The following ROBO2 variants were observed in gnomAD, a reference collection of about 807,000 sequenced individuals.
The protein encoded by ROBO2 is roundabout homolog 2.
ROBO2 carries 53 observed loss-of-function variants against 160.8 expected under a neutral mutation model. The ratio of observed to expected loss-of-function variants is 0.33; its 90% CI spans 0.26 to 0.41. ROBO2 has a LOEUF of 0.41. Among genes scored for constraint, ROBO2 ranks in the 10% least tolerant of loss-of-function variants. The pLI, the probability that ROBO2 is intolerant of heterozygous loss-of-function variation, is 1.00. For missense variants in ROBO2, 1,577 were observed against 1,722.4 expected, an observed-to-expected ratio of 0.92 and a Z score of 1.49; for synonymous variants, 664 against 611.7, an observed-to-expected ratio of 1.09 and a Z score of -1.26.
chr3:76,334,556 T>G (rs2073735056), intron 2 of ROBO2, among the ~76,000 whole-genome samples: 1 of 152,150 alleles, frequency 6.6e-6, no homozygotes, highest in African/African-American at 2.4e-5. Context: ...GCAGCTTGGC[T>G]TTTCTTTTTT....
chr3:77,447,476 C>G (rs1013481912), intron 2 of ROBO2, among the ~76,000 whole-genome samples: 4 of 152,028 alleles, frequency 2.6e-5, no homozygotes, highest in Non-Finnish European at 5.9e-5. Flanking sequence ...TATACTAAGG[C>G]TTAATGTAAT....
At chr3:76,114,945 T>C (rs1300653148) in intron 2 of ROBO2, among the ~76,000 whole-genome samples, 6 of 152,134 alleles carry the variant, frequency 3.9e-5, no homozygotes, top group Non-Finnish European at 8.8e-5. Context: ...TGAATGGGCA[T>C]TTCTTTCATG....
chr3:75,908,500 T>A (rs996183779), intron 1 of ROBO2, among the ~76,000 whole-genome samples: 9 of 152,180 alleles, frequency 5.9e-5, no homozygotes, highest in Non-Finnish European at 1.0e-4. Context: ...TTTCTGTAAT[T>A]ATTATGTTAT....
At chr3:76,528,927 A>G (rs1168771118) in intron 2 of ROBO2, among the ~76,000 whole-genome samples, 3 of 152,126 alleles carry the variant, frequency 2.0e-5, no homozygotes, top group Non-Finnish European at 4.4e-5. Flanking sequence ...AAAGGTCCAC[A>G]GTCTCATATT....
At chr3:76,519,247 C>T (rs1174235485) in intron 2 of ROBO2, among the ~76,000 whole-genome samples, 1 of 152,106 alleles carries the variant, frequency 6.6e-6, no homozygotes, top group Non-Finnish European at 1.5e-5. Context: ...TTTCTGTGAA[C>T]AAAGTTTTAC....
intron 2 of ROBO2, among the ~76,000 whole-genome samples, chr3:76,600,738 A>C (rs9860069): frequency 0.85 from 129,365 of 151,942 alleles, 55,757 homozygotes; most frequent in Middle Eastern, 0.98. Context: ...GGGGACACAG[A>C]CAAACCATAT....
intron 2 of ROBO2, among the ~76,000 whole-genome samples, chr3:76,448,070 A>G (rs1007487033): frequency 2.0e-5 from 3 of 152,016 alleles, no homozygotes; most frequent in Admixed American, 2.0e-4. Flanking sequence ...AGCAGAATAA[A>G]TAAATAAATG....
intron 2 of ROBO2, among the ~76,000 whole-genome samples, chr3:76,083,119 A>G (rs915029494): frequency 6.6e-6 from 1 of 152,156 alleles, no homozygotes; most frequent in East Asian, 1.9e-4. Flanking sequence ...GAAGGAGATC[A>G]TAAATTCAGT....
At chr3:76,593,369 C>T (rs1290152054) in intron 2 of ROBO2, among the ~76,000 whole-genome samples, 1 of 152,002 alleles carries the variant, frequency 6.6e-6, no homozygotes, top group African/African-American at 2.4e-5. Context: ...AAAAATGAGA[C>T]TATCAGTTCA....
At chr3:77,461,503 A>T (rs2082238098) in intron 2 of ROBO2, among the ~76,000 whole-genome samples, 1 of 152,100 alleles carries the variant, frequency 6.6e-6, no homozygotes, top group African/African-American at 2.4e-5. Context: ...ATAACATTAT[A>T]TTTATGCTAT....
intron 6 of ROBO2, among the ~76,000 whole-genome samples, chr3:77,525,282 A>G (rs1419944703): frequency 6.7e-6 from 1 of 149,918 alleles, no homozygotes; most frequent in African/African-American, 2.4e-5. Flanking sequence ...TAATGTAACA[A>G]GGACAAAAAA....
rs545390648 is a variant in ROBO2, at chr3:77,154,570, G to A, written c.388+56230G>A. On this transcript the variant is annotated intron_variant, in intron 2 of 25. Coordinates refer to ENST00000461745, the Ensembl canonical transcript of ROBO2. Reference sequence around the variant, plus strand: ...CGTCCAACCAAAAGGCGCATGCACTGGCAAGTTCATCACAACAGTATTCAC... The same window carrying A: ...CGTCCAACCAAAAGGCGCATGCACTAGCAAGTTCATCACAACAGTATTCAC... 1.4e-4 allele frequency among the ~76,000 whole-genome samples: 21 copies of A among 152,088 alleles called. 1 individual carries two copies. In the East Asian group the frequency reaches 2.5e-3, roughly 18 times the overall value.
chr3:76,139,837 A>G (rs2071564964), intron 2 of ROBO2, among the ~76,000 whole-genome samples: 1 of 151,994 alleles, frequency 6.6e-6, no homozygotes, highest in South Asian at 2.1e-4. Context: ...TTCGTTTCCA[A>G]TCTCATATTA....
At chr3:76,742,034 C>G (rs2093809893) in intron 2 of ROBO2, among the ~76,000 whole-genome samples, 1 of 151,976 alleles carries the variant, frequency 6.6e-6, no homozygotes, top group African/African-American at 2.4e-5. Context: ...ATTTTATTCT[C>G]AGATCAGTCA....
chr3:76,649,832 G>T (rs538867763), intron 2 of ROBO2, among the ~76,000 whole-genome samples: 2 of 152,090 alleles, frequency 1.3e-5, no homozygotes, highest in African/African-American at 4.8e-5. Context: ...GAAGAGAAAA[G>T]GCACGACTCT....
intron 2 of ROBO2, among the ~76,000 whole-genome samples, chr3:77,164,889 G>A (rs1424082252): frequency 2.9e-5 from 3 of 102,618 alleles, no homozygotes; most frequent in Non-Finnish European, 7.0e-5. Flanking sequence ...AGGGAGGTGG[G>A]GGGGTCAGCC....
At chr3:75,991,662 A>AC (rs568240838) in intron 2 of ROBO2, among the ~76,000 whole-genome samples, 169 of 152,186 alleles carry the variant, frequency 1.1e-3, no homozygotes, top group Middle Eastern at 0.01. Flanking sequence ...CTGAAAAGAT[A>AC]CCCCAAAATG....
intron 2 of ROBO2, among the ~76,000 whole-genome samples, chr3:76,800,476 C>G (rs2064113243): frequency 6.6e-6 from 1 of 151,976 alleles, no homozygotes; most frequent in African/African-American, 2.4e-5. Flanking sequence ...ATCCATCTGA[C>G]AAGGGATTAA....
intron 2 of ROBO2, among the ~76,000 whole-genome samples, chr3:77,130,263 T>G (rs2075730855): frequency 6.6e-6 from 1 of 152,188 alleles, no homozygotes; most frequent in Non-Finnish European, 1.5e-5. Context: ...GCCTCACCAC[T>G]GCACTGTACG....
Sources: allele counts gnomAD v4.1 joint callset (sites outside exome capture counted in the v4.1 genomes callset), GRCh38; gene constraint gnomAD v4.1.1; transcripts MANE v1.5; gene names NCBI Gene and HGNC (gene_info 2026-07-23, HGNC 2026-07-21).